WDPCP: variants seen among roughly 807,000 people sequenced by gnomAD.
The protein encoded by WDPCP is WD repeat containing planar cell polarity effector.
A neutral mutation model predicts 93.1 loss-of-function variants in WDPCP; 71 were observed. The observed-to-expected ratio is 0.76, with a 90% CI of 0.63 to 0.93. The LOEUF (loss-of-function observed/expected upper bound fraction) is 0.93. Ranked by LOEUF, WDPCP falls within the 40% of genes least tolerant of loss-of-function variation. WDPCP has a pLI of 0.00. For synonymous variants in WDPCP, 315 were observed against 315.0 expected, an observed-to-expected ratio of 1.00 and a Z score of 0.00; for missense variants, 844 against 887.4, an observed-to-expected ratio of 0.95 and a Z score of 0.62.
Position 63,550,216 on chromosome 2 carries a change from CACACACACACACACACACACACA to C in WDPCP, c.75+37958_75+37980del, listed in dbSNP as rs1558793185. 1.8e-4 allele frequency among the ~76,000 whole-genome samples: 28 copies of C among 151,466 alleles called. 2 individuals are homozygous for C. The highest frequency in any genetic ancestry group is 5.3e-4 in the African/African-American group (22 of 41,238). ...AAACACACACACACACACACACACA[CACACACACACACACACACACACA>C]CCCTTCCTCTAATTCCAATGACCAC... is the stretch of plus-strand genomic sequence containing the variant. On this transcript the variant is annotated intron_variant, in intron 1 of 17. Coordinates refer to ENST00000272321, the MANE Select transcript of WDPCP (RefSeq NM_015910.7).
chr2:63,582,217 T>A (rs543719594), intron 1 of WDPCP, among the ~76,000 whole-genome samples: 81 of 152,168 alleles, frequency 5.3e-4, no homozygotes, highest in African/African-American at 1.9e-3. Flanking sequence ...ATGAAAGATA[T>A]TTTTTAAAAG....
At chr2:63,777,503 C>G (rs754488550) in intron 2 of WDPCP, among the ~76,000 whole-genome samples, 1 of 152,148 alleles carries the variant, frequency 6.6e-6, no homozygotes, top group Non-Finnish European at 1.5e-5. Context: ...TAGCCCAAAA[C>G]TGGAAACAAC....
At chr2:63,477,363 T>C (rs529161014) in intron 6 of WDPCP, among the ~76,000 whole-genome samples, 1 of 152,252 alleles carries the variant, frequency 6.6e-6, no homozygotes, top group Non-Finnish European at 1.5e-5. Context: ...AAATAGCTGG[T>C]AAAACTAAAA....
At chr2:63,445,254 G>A (rs913970056) in intron 6 of WDPCP, among the ~76,000 whole-genome samples, 1 of 151,962 alleles carries the variant, frequency 6.6e-6, no homozygotes, top group African/African-American at 2.4e-5. Context: ...ACTGACTTAA[G>A]GAGAAAAAAC....
chr2:63,449,615 A>G (rs1442803850), intron 6 of WDPCP, among the ~76,000 whole-genome samples: 2 of 152,122 alleles, frequency 1.3e-5, no homozygotes, highest in South Asian at 2.1e-4. Context: ...GACTGCTGCA[A>G]TCTGAACCAC....
chr2:63,424,772 T>C (rs1002868353), intron 9 of WDPCP, among the ~76,000 whole-genome samples: 23 of 152,112 alleles, frequency 1.5e-4, no homozygotes, highest in Non-Finnish European at 3.2e-4. Context: ...TCCACAGGGT[T>C]ATCTGGGAAG....
At chr2:63,567,672 T>TTTTG (rs1491280012) in intron 1 of WDPCP, among the ~76,000 whole-genome samples, 1 of 152,164 alleles carries the variant, frequency 6.6e-6, no homozygotes, top group Non-Finnish European at 1.5e-5. Context: ...ACATCCCTTG[T>TTTTG]TTTTTTCCCC....
chr2:63,762,147 C>T (rs898321469), intron 2 of WDPCP, among the ~76,000 whole-genome samples: 3 of 152,122 alleles, frequency 2.0e-5, no homozygotes. Flanking sequence ...CAAATAGCCT[C>T]AAACCAAACC....
chr2:63,583,679 CAAA>C (rs10718475), intron 1 of WDPCP, among the ~76,000 whole-genome samples: 1 of 135,488 alleles, frequency 7.4e-6, no homozygotes. Context: ...GACTCCGTTT[CAAA>C]AAAAAAAAAA....
At chr2:63,801,780 C>G (rs1470928606) in intron 2 of WDPCP, among the ~76,000 whole-genome samples, 1 of 152,136 alleles carries the variant, frequency 6.6e-6, no homozygotes, top group African/African-American at 2.4e-5. Context: ...CCCACCCTAC[C>G]CAGAAAGTCC....
At chr2:63,326,368 G>C (rs1687539986) in intron 12 of WDPCP, among the ~76,000 whole-genome samples, 1 of 152,096 alleles carries the variant, frequency 6.6e-6, no homozygotes, top group African/African-American at 2.4e-5. Context: ...GTGGAGAGTG[G>C]GATGCAAAGG....
At chr2:63,420,115 CTTTAT>C (rs1414352923) in intron 9 of WDPCP, among the ~76,000 whole-genome samples, 2 of 151,950 alleles carry the variant, frequency 1.3e-5, no homozygotes, top group Non-Finnish European at 2.9e-5. Context: ...AAAAGGTACA[CTTTAT>C]TTTTACTTTT....
At chr2:63,639,620 G>A (rs1256806786) in intron 3 of WDPCP, among the ~76,000 whole-genome samples, 1 of 152,044 alleles carries the variant, frequency 6.6e-6, no homozygotes, top group Admixed American at 6.6e-5. Flanking sequence ...TGTTACATTG[G>A]GGATTAAATT....
At chr2:63,294,428 T>A (rs1684684271) in intron 13 of WDPCP, among the ~76,000 whole-genome samples, 1 of 146,302 alleles carries the variant, frequency 6.8e-6, no homozygotes, top group Non-Finnish European at 1.5e-5. Context: ...GAGAATCACT[T>A]GAACCCGGGA....
At chr2:63,517,945 G>C (rs1340101768) in intron 1 of WDPCP, 1 of 152,242 alleles carries the variant, frequency 6.6e-6, no homozygotes. Flanking sequence ...CTGGAGTGCA[G>C]CGGTGTGATC....
intron 14 of WDPCP, among the ~76,000 whole-genome samples, chr2:63,258,566 T>C (rs965745597): frequency 6.6e-6 from 1 of 152,198 alleles, no homozygotes; most frequent in African/African-American, 2.4e-5. Context: ...TAAAACTTAT[T>C]TGTTTCAGAG....
intron 3 of WDPCP, among the ~76,000 whole-genome samples, chr2:63,626,719 C>G (rs1473668119): frequency 6.6e-6 from 1 of 152,166 alleles, no homozygotes; most frequent in East Asian, 1.9e-4. Context: ...CGATTTTACA[C>G]TGTTGGTGGG....
chr2:63,800,951 G>C (rs1261773324), intron 2 of WDPCP, among the ~76,000 whole-genome samples: 1 of 152,222 alleles, frequency 6.6e-6, no homozygotes, highest in Non-Finnish European at 1.5e-5. Context: ...CTACTCCGGA[G>C]GCTGAGGTGG....
intron 2 of WDPCP, chr2:63,684,377 C>T (rs1396857485): frequency 3.2e-5 from 23 of 726,958 alleles, no homozygotes; most frequent in Non-Finnish European, 5.8e-5. Flanking sequence ...GCAAAGCCAT[C>T]ATCATGAAGA....
Sources: allele counts gnomAD v4.1 joint callset (sites outside exome capture counted in the v4.1 genomes callset), GRCh38; gene constraint gnomAD v4.1.1; transcripts MANE v1.5; gene names NCBI Gene and HGNC (gene_info 2026-07-23, HGNC 2026-07-21).